PSMD14: variants seen among roughly 807,000 people sequenced by gnomAD.
The protein encoded by PSMD14 is proteasome 26S subunit, non-ATPase 14.
A neutral mutation model predicts 41.2 loss-of-function variants in PSMD14; 7 were observed. That is an observed-to-expected ratio of 0.17 (90% CI 0.10 to 0.32). The LOEUF is 0.32. Ranked by LOEUF, PSMD14 falls within the 10% of genes least tolerant of loss-of-function variation. The pLI is 1.00. For synonymous variants in PSMD14, 114 were observed against 122.3 expected (o/e 0.93, Z 0.45); for missense variants, 139 against 375.6 (o/e 0.37, Z 5.21).
intron 1 of PSMD14, among the ~76,000 whole-genome samples, chr2:161,312,050 A>G (rs1689094064): frequency 6.6e-6 from 1 of 152,238 alleles, no homozygotes. Flanking sequence ...AGTTTTAACT[A>G]CTTTGCACAA....
At chr2:161,312,755 T>G (rs1689104270) in intron 1 of PSMD14, among the ~76,000 whole-genome samples, 1 of 152,254 alleles carries the variant, frequency 6.6e-6, no homozygotes, top group African/African-American at 2.4e-5. Context: ...TTTTTATTGC[T>G]TTTATTTCTA....
chr2:161,330,360 A>G (rs908091639), intron 3 of PSMD14, among the ~76,000 whole-genome samples: 1 of 152,222 alleles, frequency 6.6e-6, no homozygotes, highest in African/African-American at 2.4e-5. Flanking sequence ...AGACATTGCA[A>G]CATAATCTCA....
intron 3 of PSMD14, among the ~76,000 whole-genome samples, chr2:161,344,438 G>C (rs1217348435): frequency 6.6e-6 from 1 of 152,126 alleles, no homozygotes; most frequent in African/African-American, 2.4e-5. Flanking sequence ...TTTGTAATAA[G>C]GGCACTAATC....
rs1683376520 is a variant in PSMD14 at position 161,367,588 on chromosome 2, G to C, written c.120+39G>C. 3 of 1,523,868 alleles carry C rather than the reference G, an allele frequency of 2.0e-6. No homozygotes were observed. The East Asian group carries it at 7.1e-5, about 36-fold the overall frequency. 94.4% of individuals were successfully genotyped at this position (1,523,868 alleles called of 1,614,324 possible). On this transcript the variant is annotated intron_variant, in intron 4 of 11. Transcript: ENST00000409682. ...GTAGTTACTTGCTTTAGAGAACTCT[G>C]TTGCTTTCACTGTATCTTTTACTTT... is the stretch of plus-strand genomic sequence containing the variant.
Position 161,345,866 on chromosome 2 carries a change from T to A in PSMD14, c.49-21612T>A, listed in dbSNP as rs145235192. Among the ~76,000 whole-genome samples, 774 of 152,270 alleles carry A rather than the reference T, an allele frequency of 5.1e-3. 2 individuals are homozygous for A. The highest frequency in any genetic ancestry group is 0.014 in the Middle Eastern group (4 of 294). On this transcript the variant is annotated intron_variant, in intron 3 of 11. Coordinates refer to ENST00000409682, the MANE Select transcript of PSMD14 (RefSeq NM_005805.6). ...TTTTGCCCTGTGTTTCATTTTTCTG[T>A]TGCTACATCTTCAAGTTCATTCTTT...
intron 3 of PSMD14, among the ~76,000 whole-genome samples, chr2:161,337,645 A>T (rs1350632090): frequency 6.6e-6 from 1 of 152,232 alleles, no homozygotes; most frequent in African/African-American, 2.4e-5. Context: ...TGCAGAAATG[A>T]TTGTTCTTAG....
intron 3 of PSMD14, among the ~76,000 whole-genome samples, chr2:161,358,704 G>A (rs554287917): frequency 1.3e-4 from 20 of 152,252 alleles, no homozygotes; most frequent in Non-Finnish European, 2.6e-4. Flanking sequence ...CAACACTTTG[G>A]GAGGCTGAGG....
At chr2:161,362,452 T>TTTCTTCCATTTTTTA (rs1683302406) in intron 3 of PSMD14, among the ~76,000 whole-genome samples, 2 of 152,236 alleles carry the variant, frequency 1.3e-5, no homozygotes, top group African/African-American at 4.8e-5. Flanking sequence ...TTTCTTTATA[T>TTTCTTCCATTTTTTA]GACGACTCTT....
At chr2:161,386,423 G>A (rs1482502778) in intron 8 of PSMD14, among the ~76,000 whole-genome samples, 1 of 151,696 alleles carries the variant, frequency 6.6e-6, no homozygotes, top group Non-Finnish European at 1.5e-5. Flanking sequence ...TTGTGGCTTT[G>A]ACAGTTAACC....
At chr2:161,403,158 A>T (rs1247730532) in intron 10 of PSMD14, among the ~76,000 whole-genome samples, 1 of 152,230 alleles carries the variant, frequency 6.6e-6, no homozygotes, top group Admixed American at 6.5e-5. Context: ...CTATCAGTAG[A>T]TGAGTGGATA....
chr2:161,313,286 A>C (rs2105228128), intron 1 of PSMD14, among the ~76,000 whole-genome samples: 1 of 152,314 alleles, frequency 6.6e-6, no homozygotes, highest in South Asian at 2.1e-4. Flanking sequence ...TGAAAAAACA[A>C]CTGTATTAGA....
chr2:161,408,828 C>T lies in PSMD14; in HGVS notation c.772-9C>T. The T allele has an allele frequency of 2.5e-6, 4 of 1,593,670 alleles. No homozygotes were observed. The highest frequency in any genetic ancestry group is 2.6e-6 in the Non-Finnish European group (3 of 1,163,986). ...ATTTTAAACTCTGTCCTTTGTGTTT[C>T]ATTCACAGGCTGTAGAAGAAGAAGA... On this transcript the variant is annotated splice_polypyrimidine_tract_variant and intron_variant, in intron 10 of 11. Transcript: ENST00000409682.
intron 3 of PSMD14, among the ~76,000 whole-genome samples, chr2:161,320,557 T>G (rs1682552522): frequency 6.6e-6 from 1 of 152,164 alleles, no homozygotes; most frequent in South Asian, 2.1e-4. Flanking sequence ...ACTCTTATTT[T>G]TATGGTATCT....
chr2:161,385,436 A>C (rs1270620938), intron 7 of PSMD14, 28 bp from the exon 8 acceptor site: 1 of 1,474,626 alleles, frequency 6.8e-7, no homozygotes, highest in Non-Finnish European at 9.4e-7. Context: ...TTTTAAAAAA[A>C]AATTGACTTG....
rs545068106 is a variant in PSMD14 at position 161,365,356 on chromosome 2, A to T, written c.49-2122A>T. The stretch of plus-strand genomic sequence containing the variant: ...CTTAATTTATTCATTCATTCTTTCA[A>T]TCAGTACTTATTAAGTTCTTACTAT... On this transcript the variant is annotated intron_variant, in intron 3 of 11. Coordinates refer to ENST00000409682, the MANE Select transcript of PSMD14 (RefSeq NM_005805.6). 3.9e-5 allele frequency among the ~76,000 whole-genome samples: 6 copies of T among 152,168 alleles called. No individual in the cohort carries two copies. The East Asian group carries it at 1.2e-3, about 29-fold the overall frequency.
chr2:161,370,605 C>T (rs1265398070), intron 6 of PSMD14, among the ~76,000 whole-genome samples: 2 of 152,092 alleles, frequency 1.3e-5, no homozygotes, highest in Non-Finnish European at 2.9e-5. Flanking sequence ...GTTTTTTCCT[C>T]AGACCAAATC....
intron 3 of PSMD14, among the ~76,000 whole-genome samples, chr2:161,337,306 T>C (rs537019790): frequency 3.0e-4 from 46 of 152,344 alleles, no homozygotes; most frequent in African/African-American, 1.1e-3. Context: ...TTGCTCTTTT[T>C]TGGTATCAGT....
intron 3 of PSMD14, among the ~76,000 whole-genome samples, chr2:161,330,467 A>G (rs1213003206): frequency 1.3e-5 from 2 of 152,192 alleles, no homozygotes; most frequent in Admixed American, 1.3e-4. Flanking sequence ...TACTGGTTAC[A>G]TTGCTATTTG....
At chr2:161,384,931 T>G (rs1683614927) in intron 7 of PSMD14, 1 of 151,848 alleles carries the variant, frequency 6.6e-6, no homozygotes, top group African/African-American at 2.4e-5. Flanking sequence ...AGACAAGGTA[T>G]AAAGTCTTTC....
Sources: gnomAD v4.1 joint callset for allele counts (sites outside exome capture counted in the v4.1 genomes callset) on GRCh38, gnomAD v4.1.1 for gene constraint, MANE v1.5 for transcripts, NCBI Gene and HGNC (gene_info 2026-07-23, HGNC 2026-07-21) for gene names.